The following SCCPDH variants were observed in gnomAD, a reference collection of about 807,000 sequenced individuals.
SCCPDH encodes saccharopine dehydrogenase-like oxidoreductase.
A neutral mutation model predicts 51.5 loss-of-function variants in SCCPDH; 34 were observed. The ratio of observed to expected loss-of-function variants is 0.66; its 90% CI spans 0.50 to 0.88. SCCPDH has a LOEUF of 0.88. Among genes scored for constraint, SCCPDH ranks in the 40% least tolerant of loss-of-function variants. SCCPDH has a pLI of 0.00. For synonymous variants in SCCPDH, 187 were observed against 191.3 expected, an observed-to-expected ratio of 0.98 and a Z score of 0.19; for missense variants, 464 against 527.1, an observed-to-expected ratio of 0.88 and a Z score of 1.17.
intron 5 of SCCPDH, among the ~76,000 whole-genome samples, chr1:246,746,992 T>C (rs1481920448): frequency 6.6e-6 from 1 of 152,206 alleles, no homozygotes; most frequent in African/African-American, 2.4e-5. Context: ...AAAAGCATGC[T>C]TGGGACCCTT....
At chr1:246,765,626 G>T (rs947393597) in intron 10 of SCCPDH, among the ~76,000 whole-genome samples, 4 of 152,036 alleles carry the variant, frequency 2.6e-5, no homozygotes, top group African/African-American at 9.7e-5. Context: ...ATACAGATAG[G>T]GATCGGCTCA....
At chr1:246,728,594 CCTG>C (rs1426462634) in intron 2 of SCCPDH, among the ~76,000 whole-genome samples, 1 of 152,260 alleles carries the variant, frequency 6.6e-6, no homozygotes, top group African/African-American at 2.4e-5. Context: ...AATTCTCTCT[CCTG>C]CTCTCTGAAG....
chr1:246,737,399 T>C (rs1668610257), intron 3 of SCCPDH, among the ~76,000 whole-genome samples: 1 of 151,968 alleles, frequency 6.6e-6, no homozygotes. Flanking sequence ...GGAATATCAC[T>C]TGAGCCTGGG....
intron 10 of SCCPDH, 124 bp downstream of exon 10, chr1:246,764,481 G>A (rs1160118562): frequency 2.0e-6 from 1 of 507,182 alleles, no homozygotes; most frequent in Non-Finnish European, 3.4e-6. Context: ...TACAAATTAA[G>A]TAACTTAAAA....
intron 5 of SCCPDH, among the ~76,000 whole-genome samples, chr1:246,744,875 C>T (rs1558170276): frequency 6.6e-6 from 1 of 152,182 alleles, no homozygotes; most frequent in Non-Finnish European, 1.5e-5. Flanking sequence ...ATCTGCCCAC[C>T]TTGGCCTCCC....
chr1:246,762,575 C>T (rs1669033933), intron 9 of SCCPDH, among the ~76,000 whole-genome samples: 1 of 152,124 alleles, frequency 6.6e-6, no homozygotes, highest in Non-Finnish European at 1.5e-5. Flanking sequence ...GGCGCAGTGG[C>T]TCACACCTGT....
chr1:246,751,223 A>G (rs1441940325), intron 5 of SCCPDH, among the ~76,000 whole-genome samples: 2 of 152,262 alleles, frequency 1.3e-5, no homozygotes, highest in African/African-American at 4.8e-5. Context: ...CTCAATTTTA[A>G]TAAAACCTTT....
intron 1 of SCCPDH, among the ~76,000 whole-genome samples, chr1:246,724,999 CGGAGA>C (rs1668371044): frequency 6.6e-6 from 1 of 152,024 alleles, no homozygotes. Flanking sequence ...GATGTTTGGT[CGGAGA>C]GGAGAGGAGG....
At chr1:246,751,859 G>A (rs921992456) in intron 5 of SCCPDH, among the ~76,000 whole-genome samples, 12 of 147,906 alleles carry the variant, frequency 8.1e-5, no homozygotes, top group African/African-American at 2.5e-4. Context: ...CTGCAAGCTC[G>A]CCTCCCGGGT....
chr1:246,766,858 C>CT (rs1279905924), intron 11 of SCCPDH, among the ~76,000 whole-genome samples: 1 of 151,998 alleles, frequency 6.6e-6, no homozygotes. Flanking sequence ...CCATTCGGGT[C>CT]TTTCTTTAAT....
chr1:246,728,786 C>T (rs1668440502), intron 2 of SCCPDH, among the ~76,000 whole-genome samples: 1 of 152,166 alleles, frequency 6.6e-6, no homozygotes, highest in South Asian at 2.1e-4. Context: ...TGCCAATCTG[C>T]ATCATACCCT....
intron 3 of SCCPDH, 23 bp downstream of exon 3, chr1:246,736,078 A>G (rs1668585197): frequency 6.6e-7 from 1 of 1,511,884 alleles, no homozygotes; most frequent in East Asian, 2.3e-5. Context: ...AAAAGGAAAA[A>G]CGTAGAATTA....
At chr1:246,731,899 T>C (rs948055477) in intron 2 of SCCPDH, among the ~76,000 whole-genome samples, 3 of 151,232 alleles carry the variant, frequency 2.0e-5, no homozygotes, top group Non-Finnish European at 4.4e-5. Flanking sequence ...GTGTATGATG[T>C]TCCCCACCCT....
Position 246,745,689 on chromosome 1 carries a change from G to T in SCCPDH, c.564+1564G>T, listed in dbSNP as rs574210387. On this transcript the variant is annotated intron_variant, in intron 5 of 11. Transcript: ENST00000366510. ...AGGAAGTACTTTCTTCATCTCGATT[G>T]TGGGTTCAGATTAACGTAAAGAGGT... 5.2e-4 allele frequency among the ~76,000 whole-genome samples: 79 copies of T among 152,316 alleles called. 1 individual carries two copies. The highest frequency in any genetic ancestry group is 1.0e-3 in the Non-Finnish European group (69 of 68,026).
At chr1:246,753,782 A>C (rs993464438) in intron 5 of SCCPDH, among the ~76,000 whole-genome samples, 6 of 151,180 alleles carry the variant, frequency 4.0e-5, no homozygotes, top group African/African-American at 1.5e-4. Flanking sequence ...GCTCTATCTC[A>C]CGCTGAAGTC....
At chr1:246,751,371 A>G (rs1443557173) in intron 5 of SCCPDH, among the ~76,000 whole-genome samples, 1 of 152,248 alleles carries the variant, frequency 6.6e-6, no homozygotes, top group Non-Finnish European at 1.5e-5. Flanking sequence ...TCCAGTTTAC[A>G]GAAACTTTAA....
At chr1:246,746,209 G>C (rs561282337) in intron 5 of SCCPDH, among the ~76,000 whole-genome samples, 61 of 151,636 alleles carry the variant, frequency 4.0e-4, no homozygotes, top group Middle Eastern at 3.4e-3. Context: ...GTGAGCAATT[G>C]CTGTCCCTTT....
chr1:246,732,597 A>G (rs184497895), intron 2 of SCCPDH, among the ~76,000 whole-genome samples: 1 of 152,176 alleles, frequency 6.6e-6, no homozygotes, highest in East Asian at 1.9e-4. Flanking sequence ...CAAATTGGTC[A>G]GGCTAGTCTT....
At position 246,764,342 on chromosome 1, in the gene SCCPDH, C is replaced by A. The variant is rs1239467759; in HGVS notation, c.1087C>A (p.Gln363Lys). The change falls in exon 10 of 12, where the codon CAG becomes AAG. Residue 363 changes from glutamine to lysine, a missense_variant. By Grantham distance (53) the Gln-to-Lys change is moderately conservative (BLOSUM62 1). Transcript: ENST00000366510. ...KNKPNIKICT[Q>K]VKGPEAGYVA... ...CAAACCAAATATCAAAATTTGTACTCAGGTGAAAGGACCAGGTATTTCACA... is the reference window on the plus strand; with the variant it reads ...CAAACCAAATATCAAAATTTGTACTAAGGTGAAAGGACCAGGTATTTCACA... 4.4e-6 allele frequency: 7 copies of A among 1,606,348 alleles called. No homozygotes were observed. Among genetic ancestry groups the A allele is most frequent in the South Asian group, 1.1e-5 (1 of 90,494 alleles).
Sources: gnomAD v4.1 joint callset for allele counts (sites outside exome capture counted in the v4.1 genomes callset) on GRCh38, gnomAD v4.1.1 for gene constraint, MANE v1.5 for transcripts, NCBI Gene and HGNC (gene_info 2026-07-23, HGNC 2026-07-21) for gene names.